ASTN1: variants seen among roughly 807,000 people sequenced by gnomAD.
ASTN1 encodes the protein astrotactin 1.
ASTN1 carries 41 observed loss-of-function variants against 140.7 expected under a neutral mutation model. That is an observed-to-expected ratio of 0.29 (90% CI 0.23 to 0.38). The LOEUF (loss-of-function observed/expected upper bound fraction) is 0.38, where lower values mean the gene tolerates loss of function less well. Among genes scored for constraint, ASTN1 ranks in the 10% least tolerant of loss-of-function variants. The pLI is 1.00. For missense variants in ASTN1, 1,479 were observed against 1,678.8 expected (o/e 0.88, Z 2.08); for synonymous variants, 640 against 652.2 (o/e 0.98, Z 0.29).
Position 176,894,958 on chromosome 1 carries a change from T to C in ASTN1, c.2672-128A>G, listed in dbSNP as rs1669444239. 5 of 1,308,326 alleles carry C rather than the reference T, an allele frequency of 3.8e-6. No homozygotes were observed. In the East Asian group the frequency reaches 9.5e-5, roughly 25 times the overall value. 81.0% of individuals were successfully genotyped at this position (1,308,326 alleles called of 1,614,324 possible). On this transcript the variant is annotated intron_variant, in intron 16 of 22. Transcript: ENST00000361833. ...AACAGCCACTGAAGGGGTAAGAATG[T>C]GATTCTGCCATCCCACTTAATTTGG... is the stretch of plus-strand genomic sequence containing the variant.
intron 12 of ASTN1, 61 bp from the exon 13 acceptor site, chr1:176,946,181 C>T: frequency 7.1e-7 from 1 of 1,411,916 alleles, no homozygotes; most frequent in Non-Finnish European, 9.5e-7. Context: ...GCAGGCAAGT[C>T]AACCCCGTAT....
intron 1 of ASTN1, among the ~76,000 whole-genome samples, chr1:177,106,375 C>T (rs1680544378): frequency 1.3e-5 from 2 of 152,058 alleles, no homozygotes; most frequent in Admixed American, 1.3e-4. Context: ...ATGCAATGTC[C>T]CAGGGGCATC....
chr1:176,899,287 T>C (rs1669661980), intron 16 of ASTN1, among the ~76,000 whole-genome samples: 1 of 152,176 alleles, frequency 6.6e-6, no homozygotes, highest in Non-Finnish European at 1.5e-5. Flanking sequence ...CACATGGCCT[T>C]AGGCATGTAT....
chr1:176,914,595 G>C (rs1037735879), intron 16 of ASTN1, among the ~76,000 whole-genome samples: 1 of 152,216 alleles, frequency 6.6e-6, no homozygotes, highest in African/African-American at 2.4e-5. Context: ...AAGCAAGTTA[G>C]GAAGCAAGCA....
At chr1:177,019,987 C>T (rs1675742446) in intron 7 of ASTN1, among the ~76,000 whole-genome samples, 1 of 152,158 alleles carries the variant, frequency 6.6e-6, no homozygotes, top group African/African-American at 2.4e-5. Context: ...CAGACTCAGG[C>T]AATCCTTTTG....
intron 18 of ASTN1, among the ~76,000 whole-genome samples, chr1:176,885,578 C>T (rs1271040516): frequency 6.6e-6 from 1 of 152,114 alleles, no homozygotes; most frequent in Non-Finnish European, 1.5e-5. Flanking sequence ...ATCATGATCA[C>T]TCATATTCCT....
chr1:176,917,993 T>A (rs1325630571), intron 16 of ASTN1, among the ~76,000 whole-genome samples: 1 of 152,148 alleles, frequency 6.6e-6, no homozygotes, highest in African/African-American at 2.4e-5. Context: ...CTTTTGCAGT[T>A]ATAGTACTTT....
chr1:176,914,101 T>G (rs1192110329), intron 16 of ASTN1, among the ~76,000 whole-genome samples: 1 of 152,180 alleles, frequency 6.6e-6, no homozygotes, highest in Non-Finnish European at 1.5e-5. Flanking sequence ...TGAATCTCAG[T>G]GGTTGGTGCT....
intron 22 of ASTN1, 174 bp downstream of exon 22, chr1:176,868,670 G>A (rs12123989): frequency 0.073 from 45,265 of 620,276 alleles, 1,948 homozygotes; most frequent in Non-Finnish European, 0.087. Flanking sequence ...CTTAAATAGA[G>A]CTTATCCAAA....
At chr1:176,934,056 G>A (rs897510738) in intron 16 of ASTN1, 96 bp downstream of exon 16, 16 of 1,264,056 alleles carry the variant, frequency 1.3e-5, no homozygotes, top group South Asian at 1.2e-4. Context: ...TGATTGAGTC[G>A]TTACTACAGA....
intron 16 of ASTN1, among the ~76,000 whole-genome samples, chr1:176,932,123 T>C (rs1359243614): frequency 6.6e-6 from 1 of 152,180 alleles, no homozygotes; most frequent in Non-Finnish European, 1.5e-5. Context: ...ATTCAATCCA[T>C]ACGTAATTTT....
At chr1:176,933,945 T>C (rs1227801175) in intron 16 of ASTN1, among the ~76,000 whole-genome samples, 1 of 152,182 alleles carries the variant, frequency 6.6e-6, no homozygotes, top group African/African-American at 2.4e-5. Context: ...TTGACCCCAT[T>C]CTGCATCTAA....
intron 8 of ASTN1, among the ~76,000 whole-genome samples, chr1:176,991,344 C>T (rs544613586): frequency 3.5e-5 from 5 of 144,156 alleles, no homozygotes; most frequent in Non-Finnish European, 6.0e-5. Flanking sequence ...ACCTGGGAGG[C>T]GAAGGTTGCA....
chr1:177,012,796 C>T (rs1384057833), intron 8 of ASTN1, among the ~76,000 whole-genome samples: 1 of 152,176 alleles, frequency 6.6e-6, no homozygotes, highest in African/African-American at 2.4e-5. Context: ...CCACCAAATC[C>T]AGTCACTACA....
chr1:177,121,200 C>T (rs776237917), intron 1 of ASTN1, among the ~76,000 whole-genome samples: 1 of 152,070 alleles, frequency 6.6e-6, no homozygotes, highest in Non-Finnish European at 1.5e-5. Flanking sequence ...CATAATCCTA[C>T]ACAGGATGAA....
At chr1:176,987,512 C>T (rs1458296995) in intron 8 of ASTN1, among the ~76,000 whole-genome samples, 3 of 152,268 alleles carry the variant, frequency 2.0e-5, no homozygotes, top group East Asian at 1.9e-4. Context: ...AAAATCCAAG[C>T]TTCTCATTTG....
intron 5 of ASTN1, 191 bp downstream of exon 5, chr1:177,029,443 C>T: frequency 1.3e-6 from 1 of 760,202 alleles, no homozygotes; most frequent in Non-Finnish European, 2.5e-6. Flanking sequence ...AGAGATGATT[C>T]TCTGAAATTT....
intron 8 of ASTN1, among the ~76,000 whole-genome samples, chr1:177,004,512 G>A (rs964433845): frequency 1.3e-4 from 20 of 151,968 alleles, no homozygotes; most frequent in Admixed American, 7.2e-4. Flanking sequence ...ACAAAAGCCC[G>A]AATAGCCAAA....
chr1:177,023,464 T>C lies in ASTN1; in HGVS notation c.1378A>G (p.Met460Val), dbSNP rs779001198. The C allele has an allele frequency of 1.9e-6, 3 of 1,611,170 alleles. No homozygotes were observed. The South Asian group carries it at 3.3e-5, about 18-fold the overall frequency. The change falls in exon 7 of 23, where the codon ATG (methionine) becomes GTG (valine). Residue 460 changes from methionine (M) to valine (V), a missense_variant. Physicochemically the swap from Met to Val is conservative, Grantham distance 21. This residue lies in a region of ASTN1 where 729 missense variants were observed against 860.4 expected (regional missense o/e 0.85). Transcript: ENST00000361833. Reference protein sequence around the residue: ...SQQNSSGPWAMDLCARRLLDP... With the variant: ...SQQNSSGPWAVDLCARRLLDP... ...AGGAGCCGCCGGGCACAGAGGTCCA[T>C]GGCCCAGGGTCCGCTGGAGTTCTGC...
Sources: allele counts gnomAD v4.1 joint callset (sites outside exome capture counted in the v4.1 genomes callset), GRCh38; gene constraint gnomAD v4.1.1; regional missense constraint gnomAD v4.1.1; transcripts MANE v1.5; gene names NCBI Gene and HGNC (gene_info 2026-07-23, HGNC 2026-07-21).